RRM2B: variants seen among roughly 807,000 people sequenced by gnomAD.
RRM2B encodes the protein ribonucleoside-diphosphate reductase subunit M2 B.
Under a neutral mutation model 45.9 loss-of-function variants are expected in RRM2B, and 20 were observed. The ratio of observed to expected loss-of-function variants is 0.44; its 90% confidence interval spans 0.31 to 0.63. RRM2B has a LOEUF of 0.63. Among genes scored for constraint, RRM2B ranks in the 30% least tolerant of loss-of-function variants. The pLI is 0.09. For synonymous variants in RRM2B, 124 were observed against 132.3 expected, an observed-to-expected ratio of 0.94 and a Z score of 0.43; for missense variants, 320 against 414.7, an observed-to-expected ratio of 0.77 and a Z score of 1.98.
chr8:102,231,535 C>T (rs572142027), intron 2 of RRM2B, among the ~76,000 whole-genome samples: 1 of 152,306 alleles, frequency 6.6e-6, no homozygotes, highest in East Asian at 1.9e-4. Context: ...ACTAGTCAGA[C>T]AAGTCTTACT....
At chr8:102,217,563 T>A (rs1810752178) in intron 6 of RRM2B, among the ~76,000 whole-genome samples, 1 of 152,158 alleles carries the variant, frequency 6.6e-6, no homozygotes. Flanking sequence ...AAGTTAAGGA[T>A]TAGTGTAGGC....
At chr8:102,217,761 C>T (rs1810755720) in intron 6 of RRM2B, among the ~76,000 whole-genome samples, 1 of 150,868 alleles carries the variant, frequency 6.6e-6, no homozygotes, top group African/African-American at 2.4e-5. Context: ...AAAGAGTGGC[C>T]AGTTTCACCT....
At chr8:102,230,480 G>GCGTATTCCACTCGTTCTCTGAAC (rs1563666873) in intron 2 of RRM2B, among the ~76,000 whole-genome samples, 5 of 152,136 alleles carry the variant, frequency 3.3e-5, no homozygotes, top group Non-Finnish European at 7.4e-5. Flanking sequence ...AAAGCCACCT[G>GCGTATTCCACTCGTTCTCTGAAC]CGTATTCCAC....
chr8:102,212,491 T>C (rs1176039432), intron 8 of RRM2B, among the ~76,000 whole-genome samples: 1 of 152,236 alleles, frequency 6.6e-6, no homozygotes, highest in African/African-American at 2.4e-5. Flanking sequence ...ATATGCATAT[T>C]AAACCTAACT....
At chr8:102,227,383 T>C (rs1182536433) in intron 2 of RRM2B, among the ~76,000 whole-genome samples, 1 of 151,658 alleles carries the variant, frequency 6.6e-6, no homozygotes, top group Non-Finnish European at 1.5e-5. Context: ...CTACAGTCTC[T>C]GCCTCCTAGG....
At chr8:102,212,917 G>T in intron 7 of RRM2B, 28 bp from the exon 8 acceptor site, 1 of 1,116,064 alleles carries the variant, frequency 9.0e-7, no homozygotes, top group Non-Finnish European at 1.4e-6. Flanking sequence ...ACAGAATAAA[G>T]TACAAACAAA....
At chr8:102,225,678 A>G (rs1810919938) in intron 3 of RRM2B, among the ~76,000 whole-genome samples, 1 of 152,234 alleles carries the variant, frequency 6.6e-6, no homozygotes, top group African/African-American at 2.4e-5. Context: ...ATCTGAGAGT[A>G]AAAATCAAAC....
At position 102,233,409 on chromosome 8, in the gene RRM2B, C is replaced by T. The variant is rs28999691; in HGVS notation, c.49-1105G>A. ...GGTATGGGCCTCCTCAGATACAGCA[C>T]TTGAGCCCTGGAGAAGAGGAACCAA... is the stretch of plus-strand genomic sequence containing the variant. On this transcript the variant is annotated intron_variant, in intron 1 of 8. Transcript: ENST00000251810. Among the ~76,000 whole-genome samples, 384 of 152,316 alleles carry T rather than the reference C, an allele frequency of 2.5e-3. 1 individual carries two copies. The highest frequency in any genetic ancestry group is 0.014 in the Middle Eastern group (4 of 294).
At chr8:102,209,091 A>C (rs1204169519) in intron 8 of RRM2B, among the ~76,000 whole-genome samples, 3 of 152,186 alleles carry the variant, frequency 2.0e-5, no homozygotes, top group African/African-American at 7.2e-5. Context: ...CAGAGGTTGC[A>C]GTGAGCCAAG....
intron 3 of RRM2B, 89 bp downstream of exon 3, chr8:102,225,824 CATCTT>C: frequency 1.3e-6 from 1 of 785,238 alleles, no homozygotes; most frequent in Non-Finnish European, 2.3e-6. Flanking sequence ...ATTTTTTAGA[CATCTT>C]GTCTTTGGCT....
intron 6 of RRM2B, among the ~76,000 whole-genome samples, chr8:102,215,674 G>A (rs781689591): frequency 1.3e-5 from 2 of 151,992 alleles, no homozygotes; most frequent in South Asian, 2.1e-4. Context: ...GGCTGGGCAC[G>A]GGGGCTCATG....
At chr8:102,222,081 T>A (rs1810846957) in intron 5 of RRM2B, among the ~76,000 whole-genome samples, 1 of 113,256 alleles carries the variant, frequency 8.8e-6, no homozygotes, top group East Asian at 2.1e-4. Context: ...CCTATTTAAA[T>A]TTTTTTTTTT....
At position 102,229,292 on chromosome 8, in the gene RRM2B, C is replaced by T. The variant is rs28999701; in HGVS notation, c.204+2857G>A. 4.6e-4 allele frequency among the ~76,000 whole-genome samples: 70 copies of T among 151,944 alleles called. No homozygotes were observed. In the East Asian group the frequency reaches 0.01, roughly 23 times the overall value. On this transcript the variant is annotated intron_variant, in intron 2 of 8. Transcript: ENST00000251810. ...ACAACAACAAAAAAAAAAAAACCCA[C>T]AAAGCCTCAAGCCTCAATCTCTTTG...
At chr8:102,223,695 CAAAA>C (rs764014539) in intron 5 of RRM2B, among the ~76,000 whole-genome samples, 2 of 74,718 alleles carry the variant, frequency 2.7e-5, no homozygotes, top group Admixed American at 1.5e-4. Flanking sequence ...GACTCCGTCT[CAAAA>C]AAAAAAAAAA....
intron 2 of RRM2B, among the ~76,000 whole-genome samples, chr8:102,229,836 T>C (rs1273199613): frequency 2.0e-5 from 3 of 152,176 alleles, no homozygotes; most frequent in African/African-American, 7.2e-5. Context: ...CTGCCCACTT[T>C]AGCCTCCCAA....
At chr8:102,229,445 CT>C (rs1810990952) in intron 2 of RRM2B, among the ~76,000 whole-genome samples, 1 of 152,228 alleles carries the variant, frequency 6.6e-6, no homozygotes, top group Admixed American at 6.5e-5. Context: ...GTGCTAAGCA[CT>C]GGGGATACAA....
chr8:102,213,192 AAG>A (rs1810665317), intron 7 of RRM2B, among the ~76,000 whole-genome samples: 1 of 152,188 alleles, frequency 6.6e-6, no homozygotes, highest in African/African-American at 2.4e-5. Flanking sequence ...ATAGAAAAAA[AAG>A]ATACTTTGTT....
Position 102,204,976 on chromosome 8 carries a change from T to G in RRM2B, c.*3157A>C, listed in dbSNP as rs1286197925. 1.3e-5 allele frequency: 2 copies of G among 152,226 alleles called. No homozygotes were observed. The highest frequency in any genetic ancestry group is 2.4e-5 in the African/African-American group (1 of 41,470). The allele number at this position is 152,226 out of a possible 1,614,324, so 9.4% of individuals were successfully genotyped here. On this transcript the variant is annotated 3_prime_UTR_variant, in exon 9 of 9. Coordinates refer to ENST00000251810, the MANE Select transcript of RRM2B (RefSeq NM_015713.5). ...AATGCCTCGGGAATATGAGATTCTC[T>G]TTCAAATCTTTAACTTTTTACAAAG...
intron 1 of RRM2B, chr8:102,238,552 G>C (rs1188572695): frequency 7.9e-6 from 12 of 1,510,152 alleles, no homozygotes; most frequent in Non-Finnish European, 9.7e-6. Flanking sequence ...GCAGGGGTAA[G>C]TCTCACCCCG....
Sources: gnomAD v4.1 joint callset for allele counts (sites outside exome capture counted in the v4.1 genomes callset) on GRCh38, gnomAD v4.1.1 for gene constraint, MANE v1.5 for transcripts, NCBI Gene and HGNC (gene_info 2026-07-23, HGNC 2026-07-21) for gene names.